OARD1: variants seen among roughly 807,000 people sequenced by gnomAD.
The protein encoded by OARD1 is ADP-ribose glycohydrolase OARD1.
A neutral mutation model predicts 19.7 loss-of-function variants in OARD1; 19 were observed. The observed-to-expected ratio is 0.96, with a 90% confidence interval of 0.67 to 1.41. OARD1 has a LOEUF of 1.41. OARD1 is among the 40% of genes most tolerant of loss of function. OARD1 has a pLI of 0.00. For synonymous variants in OARD1, 70 were observed against 61.8 expected (o/e 1.13, Z -0.62); for missense variants, 190 against 183.8 (o/e 1.03, Z -0.20).
In OARD1 at chr6:41,071,227, A is replaced by T; in HGVS notation, c.89T>A (p.Leu30Ter). 1 of 1,613,674 alleles carries T rather than the reference A, an allele frequency of 6.2e-7. No homozygotes were observed. Among genetic ancestry groups the T allele is most frequent in the Non-Finnish European group, 8.5e-7 (1 of 1,179,532 alleles). The change falls in exon 3 of 6, where the codon TTA (leucine) becomes TAA (stop). Residue 30 changes from leucine (L) to a stop codon, truncating the protein, a stop_gained. Coordinates refer to ENST00000424266, the MANE Select transcript of OARD1 (RefSeq NM_001329686.2). LOFTEE classifies it high-confidence loss of function. ...ACAATCCTCACTGATACAGTGGGCT[A>T]AAGAGTCTGTTTTCGGGCATGCAAA... is the stretch of plus-strand genomic sequence containing the variant. ...DLFACPKTDSLAHCISEDCRM... is the reference protein window; with the variant it reads ...DLFACPKTDS
At chr6:41,069,110 T>C in intron 4 of OARD1, 157 bp from the exon 5 acceptor site, 1 of 469,660 alleles carries the variant, frequency 2.1e-6, no homozygotes, top group East Asian at 3.5e-5. Flanking sequence ...CTTTCCACAC[T>C]GTTATGGGAG....
At chr6:41,073,386 T>C (rs1403367785), upstream of OARD1, among the ~76,000 whole-genome samples, 1 of 151,806 alleles carries the variant, frequency 6.6e-6, no homozygotes, top group Non-Finnish European at 1.5e-5. Flanking sequence ...GTTCCCCGAC[T>C]CAGGCCCAGG....
intron 3 of OARD1, among the ~76,000 whole-genome samples, 190 bp from the exon 4 acceptor site, chr6:41,070,324 CCTTAA>C (rs1332625305): frequency 2.5e-4 from 38 of 152,324 alleles, no homozygotes; most frequent in Middle Eastern, 3.4e-3. Flanking sequence ...ATACTATATT[CCTTAA>C]CTTAACAGCT....
upstream of OARD1, among the ~76,000 whole-genome samples, chr6:41,074,710 A>G (rs1443267321): frequency 1.3e-5 from 2 of 152,220 alleles, no homozygotes; most frequent in Non-Finnish European, 1.5e-5. Context: ...TTGCTAAGGA[A>G]TATTTTGGAA....
chr6:41,085,849 C>G (rs940263738), intron 1 of OARD1, among the ~76,000 whole-genome samples: 2 of 151,260 alleles, frequency 1.3e-5, no homozygotes, highest in Non-Finnish European at 2.9e-5. Flanking sequence ...TTTCATTTGC[C>G]TTTGTAGGTA....
intron 1 of OARD1, among the ~76,000 whole-genome samples, chr6:41,086,860 T>C (rs894491975): frequency 3.3e-5 from 5 of 152,196 alleles, no homozygotes; most frequent in African/African-American, 1.2e-4. Flanking sequence ...TTAAAAAATA[T>C]TTGCTAGGTG....
Position 41,070,139 on chromosome 6 carries a change from G to A in OARD1, c.185-5C>T. 2 of 1,494,252 alleles carry A rather than the reference G, an allele frequency of 1.3e-6. No individual in the cohort carries two copies. Among genetic ancestry groups the A allele is most frequent in the Non-Finnish European group, 1.9e-6 (2 of 1,080,628 alleles). The allele number at this position is 1,494,252 out of a possible 1,614,324, so 92.6% of individuals were successfully genotyped here. ...CCACTTCTCCAGATTTCTTTTCTAA[G>A]AAAAAGTTATTTAATAGTAGAAATG... On this transcript the variant is annotated splice_region_variant and splice_polypyrimidine_tract_variant and intron_variant, in intron 3 of 5. Coordinates refer to ENST00000424266, the MANE Select transcript of OARD1 (RefSeq NM_001329686.2).
intron 4 of OARD1, 173 bp downstream of exon 4, chr6:41,069,903 A>G (rs1763234804): frequency 1.0e-5 from 7 of 673,168 alleles, no homozygotes; most frequent in South Asian, 9.6e-5. Flanking sequence ...TGCTCCAAGT[A>G]GCCGCCATCA....
intron 1 of OARD1, among the ~76,000 whole-genome samples, chr6:41,090,902 CA>C (rs1398899183): frequency 6.6e-6 from 1 of 151,994 alleles, no homozygotes; most frequent in Non-Finnish European, 1.5e-5. Flanking sequence ...ATAGTTAAAT[CA>C]AAAAAGGACA....
At chr6:41,076,430 C>T (rs1027523788), upstream of OARD1, among the ~76,000 whole-genome samples, 3 of 152,128 alleles carry the variant, frequency 2.0e-5, no homozygotes, top group Non-Finnish European at 4.4e-5. Flanking sequence ...CTAGGCTTTG[C>T]CTGGTAGTGA....
chr6:41,067,280 T>C lies in OARD1; in HGVS notation c.*55A>G. The C allele has an allele frequency of 1.7e-6, 2 of 1,161,250 alleles. No individual in the cohort carries two copies. Among genetic ancestry groups the C allele is most frequent in the Non-Finnish European group, 2.6e-6 (2 of 783,942 alleles). 71.9% of individuals were successfully genotyped at this position (1,161,250 alleles called of 1,614,324 possible). On this transcript the variant is annotated 3_prime_UTR_variant, in exon 6 of 6. Coordinates refer to ENST00000424266, the MANE Select transcript of OARD1 (RefSeq NM_001329686.2). ...TTTAAGGTAGGTTTGCCCGGTCCTATGGCCCAGTAGAGATGACACAGGAGA... is the reference window on the plus strand; with the variant it reads ...TTTAAGGTAGGTTTGCCCGGTCCTACGGCCCAGTAGAGATGACACAGGAGA...
rs890419443 is a variant in OARD1, at chr6:41,092,817, G to A, written c.-42+4896C>T. The A allele has an allele frequency of 9.1e-6, 12 of 1,319,380 alleles. No individual in the cohort carries two copies. The Admixed American group carries it at 2.1e-4, about 23-fold the overall frequency. The allele number at this position is 1,319,380 out of a possible 1,614,324, so 81.7% of individuals were successfully genotyped here. On this transcript the variant is annotated intron_variant, in intron 1 of 4. Coordinates refer to the OARD1 transcript ENST00000480585. ...TACCCTATAAAAATTACTTTTTGTG[G>A]CATTTACAAAAAAAATGGATGAAGA...
At chr6:41,096,244 C>T (rs187673002) in intron 1 of OARD1, among the ~76,000 whole-genome samples, 53 of 152,318 alleles carry the variant, frequency 3.5e-4, no homozygotes, top group Admixed American at 3.5e-3. Context: ...CTCAGTGTCC[C>T]CACACATGAA....
intron 1 of OARD1, chr6:41,091,416 G>T: frequency 9.7e-7 from 1 of 1,033,634 alleles, no homozygotes; most frequent in Non-Finnish European, 1.4e-6. Context: ...TTTTCAGTGT[G>T]TTTTGCCAGG....
intron 4 of OARD1, 36 bp downstream of exon 4, chr6:41,070,040 T>G (rs770036867): frequency 5.0e-6 from 6 of 1,207,220 alleles, no homozygotes; most frequent in Non-Finnish European, 7.4e-6. Flanking sequence ...TATTAAGAAC[T>G]GGCCCTGAAA....
At chr6:41,081,263 G>A (rs985405335) in intron 1 of OARD1, among the ~76,000 whole-genome samples, 1 of 152,206 alleles carries the variant, frequency 6.6e-6, no homozygotes, top group Non-Finnish European at 1.5e-5. Flanking sequence ...GCCGAGGCAG[G>A]CGGATCACGA....
upstream of OARD1, among the ~76,000 whole-genome samples, chr6:41,074,769 T>A (rs963640431): frequency 3.9e-5 from 6 of 152,248 alleles, no homozygotes; most frequent in African/African-American, 1.4e-4. Flanking sequence ...TCTAGAGCTA[T>A]ATTTTTTCCT....
intron 1 of OARD1, among the ~76,000 whole-genome samples, chr6:41,080,551 A>T (rs1294976037): frequency 6.6e-6 from 1 of 152,202 alleles, no homozygotes; most frequent in African/African-American, 2.4e-5. Context: ...GGAGGGAAAG[A>T]TTGCATTACA....
At chr6:41,071,780 C>A in intron 1 of OARD1, 105 bp from the exon 2 acceptor site, 3 of 661,150 alleles carry the variant, frequency 4.5e-6, no homozygotes, top group South Asian at 1.7e-5. Context: ...CAACGTTTAT[C>A]GATGAATGTG....
Sources: allele counts gnomAD v4.1 joint callset (sites outside exome capture counted in the v4.1 genomes callset), GRCh38; gene constraint gnomAD v4.1.1; transcripts MANE v1.5; gene names NCBI Gene and HGNC (gene_info 2026-07-23, HGNC 2026-07-21).